Variants in IL1RAPL2 observed in about 807,000 individuals in gnomAD.
IL1RAPL2 encodes interleukin 1 receptor accessory protein like 2, also known as X-linked interleukin-1 receptor accessory protein-like 2.
In IL1RAPL2, 3 loss-of-function variants were observed where a neutral mutation model predicts 44.1. The observed-to-expected ratio is 0.07, with a 90% CI of 0.03 to 0.18. The LOEUF (loss-of-function observed/expected upper bound fraction) is 0.18, where lower values mean the gene tolerates loss of function less well. Among genes scored for constraint, IL1RAPL2 ranks in the 10% least tolerant of loss-of-function variants. The probability of loss-of-function intolerance (pLI) is 1.00; values close to 1 mark genes in which losing one functional copy is unlikely to be tolerated. For synonymous variants in IL1RAPL2, 181 were observed against 178.8 expected, an observed-to-expected ratio of 1.01 and a Z score of -0.10; for missense variants, 391 against 496.4, an observed-to-expected ratio of 0.79 and a Z score of 2.02.
intron 2 of IL1RAPL2, among the ~76,000 whole-genome samples, chrX:105,061,942 G>A (rs913816562): frequency 9.9e-5 from 11 of 111,565 alleles, no homozygotes; most frequent in Admixed American, 9.5e-4. Context: ...TCTCTTGTAG[G>A]CAGCCAATAA....
At chrX:105,004,611 T>G (rs1041254274) in intron 2 of IL1RAPL2, among the ~76,000 whole-genome samples, 2 of 110,783 alleles carry the variant, frequency 1.8e-5, no homozygotes, top group African/African-American at 3.3e-5. Flanking sequence ...GAATGAAAAT[T>G]TTGAGGAGTA....
chrX:105,298,067 A>G (rs906210790), intron 5 of IL1RAPL2, among the ~76,000 whole-genome samples: 1 of 111,158 alleles, frequency 9.0e-6, no homozygotes, highest in African/African-American at 3.3e-5. Flanking sequence ...ACACACATAC[A>G]TTGTGGAATG....
intron 1 of IL1RAPL2, among the ~76,000 whole-genome samples, chrX:104,599,893 A>G (rs1928845379): frequency 9.0e-6 from 1 of 110,957 alleles, no homozygotes; most frequent in Admixed American, 9.7e-5. Flanking sequence ...TTGGCTTTTT[A>G]AATGTTGACA....
chrX:104,898,794 C>G (rs1389115233), intron 2 of IL1RAPL2, among the ~76,000 whole-genome samples: 1 of 112,162 alleles, frequency 8.9e-6, no homozygotes, highest in Non-Finnish European at 1.9e-5. Context: ...AACAAGTCCT[C>G]CATTGATGAT....
intron 2 of IL1RAPL2, among the ~76,000 whole-genome samples, chrX:104,775,863 A>C (rs1454248324): frequency 1.8e-5 from 2 of 110,639 alleles, no homozygotes; most frequent in Non-Finnish European, 3.8e-5. Flanking sequence ...TTTATGAAAA[A>C]AAAAAGAGAG....
chrX:105,175,061 GGTT>G (rs760468384), intron 2 of IL1RAPL2, among the ~76,000 whole-genome samples: 39 of 111,556 alleles, frequency 3.5e-4, no homozygotes, highest in African/African-American at 1.3e-3. Context: ...TGTCTTATAA[GGTT>G]GTTGTGAGGA....
chrX:105,269,777 A>C (rs942470023), intron 5 of IL1RAPL2, among the ~76,000 whole-genome samples: 1 of 111,722 alleles, frequency 9.0e-6, no homozygotes, highest in Non-Finnish European at 1.9e-5. Flanking sequence ...GAGCACTTCC[A>C]TTTTGGATCA....
At chrX:105,700,666 A>G (rs1351869218) in intron 6 of IL1RAPL2, among the ~76,000 whole-genome samples, 5 of 110,744 alleles carry the variant, frequency 4.5e-5, no homozygotes, top group Non-Finnish European at 9.5e-5. Flanking sequence ...AAGAAAAAAG[A>G]TATTACTGCT....
At chrX:105,084,842 C>G (rs907027637) in intron 2 of IL1RAPL2, among the ~76,000 whole-genome samples, 6 of 111,739 alleles carry the variant, frequency 5.4e-5, no homozygotes, top group African/African-American at 2.0e-4. Flanking sequence ...TTGTAGTCCC[C>G]ATAATCCCCA....
chrX:105,252,775 T>C (rs937039156), intron 4 of IL1RAPL2, among the ~76,000 whole-genome samples: 2 of 111,662 alleles, frequency 1.8e-5, no homozygotes, highest in African/African-American at 6.5e-5. Context: ...GTGCCAAATA[T>C]GTTCATGCAT....
intron 5 of IL1RAPL2, among the ~76,000 whole-genome samples, chrX:105,311,641 C>CATAT (rs111798589): frequency 9.8e-6 from 1 of 101,535 alleles, no homozygotes; most frequent in Non-Finnish European, 2.0e-5. Flanking sequence ...CACACACACA[C>CATAT]ATATATATAT....
At position 104,670,475 on chromosome X, in the gene IL1RAPL2, TG is replaced by T. The variant is rs1217476201; in HGVS notation, c.82+11482del. 3.6e-5 allele frequency among the ~76,000 whole-genome samples: 4 copies of T among 111,727 alleles called. No individual in the cohort carries two copies. The East Asian group carries it at 1.1e-3, about 32-fold the overall frequency. On this transcript the variant is annotated intron_variant, in intron 2 of 10. Coordinates refer to ENST00000372582, the MANE Select transcript of IL1RAPL2 (RefSeq NM_017416.2). ...CCACTGACTCAAATGTTATCTCCTC[TG>T]GCAACACCCTCAAAGACACACCCAG...
intron 6 of IL1RAPL2, among the ~76,000 whole-genome samples, chrX:105,693,913 C>CA (rs1233115903): frequency 8.9e-6 from 1 of 111,921 alleles, no homozygotes; most frequent in Non-Finnish European, 1.9e-5. Context: ...CCTAAGCTTC[C>CA]AGGAGGAAAG....
intron 2 of IL1RAPL2, among the ~76,000 whole-genome samples, chrX:104,950,376 C>T (rs1925537476): frequency 8.9e-6 from 1 of 112,583 alleles, no homozygotes; most frequent in African/African-American, 3.2e-5. Flanking sequence ...TCAAAGCTGT[C>T]AGACAGGGAC....
At chrX:104,601,821 G>T (rs1602638113) in intron 1 of IL1RAPL2, among the ~76,000 whole-genome samples, 1 of 112,285 alleles carries the variant, frequency 8.9e-6, no homozygotes, top group Middle Eastern at 4.6e-3. Flanking sequence ...ATTGTGGAAA[G>T]CAGTGTGGCA....
chrX:104,823,873 G>A (rs1038385113), intron 2 of IL1RAPL2, among the ~76,000 whole-genome samples: 3 of 111,802 alleles, frequency 2.7e-5, no homozygotes, highest in Non-Finnish European at 5.6e-5. Context: ...TTTGCATACC[G>A]TTTATTTCTT....
intron 2 of IL1RAPL2, among the ~76,000 whole-genome samples, chrX:105,066,689 G>A (rs1037009541): frequency 2.7e-5 from 3 of 111,246 alleles, no homozygotes; most frequent in Non-Finnish European, 3.8e-5. Context: ...CCCTTTCTCC[G>A]TCGACACATA....
At chrX:104,759,280 A>G (rs1932389621) in intron 2 of IL1RAPL2, among the ~76,000 whole-genome samples, 1 of 111,801 alleles carries the variant, frequency 8.9e-6, no homozygotes, top group African/African-American at 3.2e-5. Flanking sequence ...CCACTGACAA[A>G]CTACTTAAGC....
At chrX:105,554,807 A>C (rs1019024800) in intron 6 of IL1RAPL2, among the ~76,000 whole-genome samples, 4 of 111,710 alleles carry the variant, frequency 3.6e-5, no homozygotes, top group South Asian at 3.7e-4. Flanking sequence ...TTTTCCCTTA[A>C]ATCCTTGAAC....
Sources: allele counts gnomAD v4.1 joint callset (sites outside exome capture counted in the v4.1 genomes callset), GRCh38; gene constraint gnomAD v4.1.1; transcripts MANE v1.5; gene names NCBI Gene and HGNC (gene_info 2026-07-23, HGNC 2026-07-21).